The following ARFIP1 variants were observed in gnomAD, a reference collection of about 807,000 sequenced individuals.
The protein encoded by ARFIP1 is ARF interacting protein 1.
ARFIP1 carries 24 observed loss-of-function variants against 42.5 expected under a neutral mutation model. The ratio of observed to expected loss-of-function variants is 0.57; its 90% CI spans 0.41 to 0.80. ARFIP1 has a LOEUF of 0.80. ARFIP1 is among the 30% of genes least tolerant of loss of function. ARFIP1 has a pLI of 0.00. For missense variants in ARFIP1, 354 were observed against 434.0 expected (o/e 0.82, Z 1.64); for synonymous variants, 141 against 153.7 (o/e 0.92, Z 0.61).
intron 1 of ARFIP1, among the ~76,000 whole-genome samples, chr4:152,789,946 C>T (rs547387839): frequency 3.3e-5 from 5 of 152,300 alleles, no homozygotes; most frequent in East Asian, 1.9e-4. Flanking sequence ...CCAAGGAGCA[C>T]TGATTCCTTC....
intron 8 of ARFIP1, among the ~76,000 whole-genome samples, chr4:152,895,995 A>G (rs748798803): frequency 1.3e-4 from 20 of 152,156 alleles, no homozygotes; most frequent in Non-Finnish European, 2.6e-4. Flanking sequence ...AGCTGTGGTA[A>G]GTGTGATGAA....
chr4:152,883,811 A>G (rs1322052396), intron 7 of ARFIP1, among the ~76,000 whole-genome samples: 1 of 151,640 alleles, frequency 6.6e-6, no homozygotes, highest in Non-Finnish European at 1.5e-5. Flanking sequence ...CTTTTATTTA[A>G]GTATCATTCT....
At chr4:152,866,405 T>A (rs1208959749) in intron 3 of ARFIP1, among the ~76,000 whole-genome samples, 2 of 151,626 alleles carry the variant, frequency 1.3e-5, no homozygotes, top group East Asian at 3.9e-4. Context: ...GACGGGGTGG[T>A]GGCTGGGCAG....
chr4:152,791,700 G>A (rs551009696), intron 1 of ARFIP1, among the ~76,000 whole-genome samples: 1 of 152,048 alleles, frequency 6.6e-6, no homozygotes, highest in African/African-American at 2.4e-5. Context: ...CAGACCTCAG[G>A]GCTATTTTGG....
chr4:152,864,936 T>TTA (rs1033045465), intron 3 of ARFIP1, among the ~76,000 whole-genome samples: 3 of 140,008 alleles, frequency 2.1e-5, no homozygotes, highest in African/African-American at 8.6e-5. Flanking sequence ...TTTTTTTTTT[T>TTA]ACTCGAGTGA....
intron 1 of ARFIP1, among the ~76,000 whole-genome samples, chr4:152,829,181 C>A (rs565909707): frequency 6.6e-6 from 1 of 152,164 alleles, no homozygotes. Context: ...CACTTGTCAA[C>A]TAAAGTTTGT....
At chr4:152,790,764 CA>C (rs1264556899) in intron 1 of ARFIP1, among the ~76,000 whole-genome samples, 1 of 121,592 alleles carries the variant, frequency 8.2e-6, no homozygotes, top group Non-Finnish European at 1.6e-5. Flanking sequence ...GGCAGAATCT[CA>C]ATCTGTTGCC....
At chr4:152,894,357 T>TA (rs748673723) in intron 8 of ARFIP1, among the ~76,000 whole-genome samples, 3 of 152,118 alleles carry the variant, frequency 2.0e-5, no homozygotes, top group Non-Finnish European at 2.9e-5. Flanking sequence ...CCTCAGAATT[T>TA]AAAAAATAGA....
Position 152,905,545 on chromosome 4 carries a change from GTTTTTTTTTT to G in ARFIP1, c.967-4503_967-4494del, listed in dbSNP as rs59608457. 2.0e-4 allele frequency among the ~76,000 whole-genome samples: 6 copies of G among 30,374 alleles called. 1 individual carries two copies. Among genetic ancestry groups the G allele is most frequent in the African/African-American group, 2.5e-4 (2 of 8,046 alleles). The allele number at this position is 30,374 out of a possible 152,430, so 19.9% of individuals were successfully genotyped here. A position where few individuals can be genotyped will look rare whatever the true frequency, so the allele number is the denominator to read the frequency against. On this transcript the variant is annotated intron_variant, in intron 8 of 8. Coordinates refer to ENST00000353617, the MANE Select transcript of ARFIP1 (RefSeq NM_001025595.3). ...TTATTCTTACTGAATTGTAAGAATT[GTTTTTTTTTT>G]TTTTTTTTTTTTTTTGAGATGGAGT...
At chr4:152,810,600 A>T (rs1729366485) in intron 1 of ARFIP1, among the ~76,000 whole-genome samples, 1 of 151,786 alleles carries the variant, frequency 6.6e-6, no homozygotes, top group African/African-American at 2.4e-5. Context: ...TGAGGTCAGG[A>T]GATCGAGACC....
chr4:152,841,597 A>G (rs1028431268), intron 2 of ARFIP1, among the ~76,000 whole-genome samples: 1 of 151,970 alleles, frequency 6.6e-6, no homozygotes, highest in Non-Finnish European at 1.5e-5. Flanking sequence ...GTAATGGCTG[A>G]TTCTCTCAGC....
intron 8 of ARFIP1, among the ~76,000 whole-genome samples, chr4:152,904,021 A>G (rs1395530300): frequency 6.6e-6 from 1 of 151,898 alleles, no homozygotes; most frequent in African/African-American, 2.4e-5. Flanking sequence ...CTCTAATTCT[A>G]AAAGATTGGA....
chr4:152,884,296 C>T (rs1389770759), intron 7 of ARFIP1, among the ~76,000 whole-genome samples: 1 of 151,896 alleles, frequency 6.6e-6, no homozygotes, highest in Non-Finnish European at 1.5e-5. Context: ...GTTTCAGTCT[C>T]AGTGTAAATC....
chr4:152,804,467 AATATATATAATATATATTATTTAT>A (rs1257865954), intron 1 of ARFIP1, among the ~76,000 whole-genome samples: 46 of 104,640 alleles, frequency 4.4e-4, no homozygotes, highest in Non-Finnish European at 6.8e-4. Context: ...TATAATATAT[AATATATATAATATATATTATTTAT>A]ATATATATAA....
intron 8 of ARFIP1, among the ~76,000 whole-genome samples, chr4:152,904,200 T>TA (rs1561185816): frequency 3.2e-4 from 21 of 66,174 alleles, no homozygotes; most frequent in African/African-American, 7.0e-4. Flanking sequence ...ATATATATAT[T>TA]TTTTTTTTTT....
At chr4:152,838,470 CT>C (rs758287982) in intron 2 of ARFIP1, among the ~76,000 whole-genome samples, 10 of 152,030 alleles carry the variant, frequency 6.6e-5, no homozygotes, top group Non-Finnish European at 1.3e-4. Flanking sequence ...TTGCAGTTTT[CT>C]TTGTAGAGGT....
chr4:152,874,450 T>C (rs1735152694), intron 5 of ARFIP1, among the ~76,000 whole-genome samples: 2 of 152,216 alleles, frequency 1.3e-5, no homozygotes, highest in African/African-American at 4.8e-5. Flanking sequence ...GAGTTAATAG[T>C]CCAGTGTGTC....
At chr4:152,840,081 AT>A (rs1206699636) in intron 2 of ARFIP1, among the ~76,000 whole-genome samples, 12 of 152,298 alleles carry the variant, frequency 7.9e-5, no homozygotes, top group African/African-American at 2.6e-4. Flanking sequence ...TGGAGTTGAT[AT>A]CCAGTTTTAT....
intron 1 of ARFIP1, among the ~76,000 whole-genome samples, chr4:152,803,818 T>C (rs1346536793): frequency 6.6e-6 from 1 of 151,410 alleles, no homozygotes; most frequent in African/African-American, 2.4e-5. Context: ...TCTGCAGTTG[T>C]TGGAAGTGAA....
Sources: gnomAD v4.1 joint callset for allele counts (sites outside exome capture counted in the v4.1 genomes callset) on GRCh38, gnomAD v4.1.1 for gene constraint, MANE v1.5 for transcripts, NCBI Gene and HGNC (gene_info 2026-07-23, HGNC 2026-07-21) for gene names.